Variants in MPDZ observed in about 807,000 individuals in gnomAD.
The protein encoded by MPDZ is multiple PDZ domain crumbs cell polarity complex component.
MPDZ carries 234 observed loss-of-function variants against 239.1 expected under a neutral mutation model. The observed-to-expected ratio is 0.98, with a 90% CI of 0.88 to 1.09. The LOEUF (loss-of-function observed/expected upper bound fraction) is 1.09. MPDZ is among the 50% of genes least tolerant of loss of function. The pLI is 0.00. For synonymous variants in MPDZ, 1,048 were observed against 881.3 expected (o/e 1.19, Z -3.35); for missense variants, 3,175 against 2,510.0 (o/e 1.26, Z -5.66).
rs371166354 is a variant in MPDZ at position 13,150,517 on chromosome 9, G to A, written c.3624C>T (p.Ile1208=). The change falls in exon 25 of 47, where the codon ATC becomes ATT. Residue 1208 remains isoleucine (I), a synonymous_variant. Coordinates refer to ENST00000319217, the MANE Select transcript of MPDZ (RefSeq NM_001378778.1). ...KNGTLKPGDR[I]VEVDGMDLRD... ...AAAGCTCACTAGAGGGTACCTCTACGATTCTATCTCCAGGTTTCAAGGTTC... is the reference window on the plus strand; with the variant it reads ...AAAGCTCACTAGAGGGTACCTCTACAATTCTATCTCCAGGTTTCAAGGTTC... 8.3e-6 allele frequency: 13 copies of A among 1,557,196 alleles called. No homozygotes were observed. The highest frequency in any genetic ancestry group is 1.8e-5 in the Admixed American group (1 of 56,556).
At chr9:13,210,091 A>G (rs532013209) in intron 10 of MPDZ, among the ~76,000 whole-genome samples, 2 of 151,468 alleles carry the variant, frequency 1.3e-5, no homozygotes, top group Non-Finnish European at 2.9e-5. Flanking sequence ...AAAAAACCTC[A>G]CACCTGAATG....
intron 27 of MPDZ, among the ~76,000 whole-genome samples, chr9:13,142,500 A>T (rs965900043): frequency 6.6e-6 from 1 of 152,130 alleles, no homozygotes; most frequent in African/African-American, 2.4e-5. Flanking sequence ...AAGATTGTTT[A>T]GCCTTCCTTG....
intron 45 of MPDZ, 76 bp downstream of exon 45, chr9:13,109,876 G>A (rs1586848640): frequency 1.8e-6 from 2 of 1,131,890 alleles, no homozygotes; most frequent in East Asian, 2.5e-5. Context: ...AGAAACATGG[G>A]ACAGAGAACG....
chr9:13,201,655 G>C (rs1362368400), intron 12 of MPDZ, among the ~76,000 whole-genome samples: 1 of 151,674 alleles, frequency 6.6e-6, no homozygotes, highest in African/African-American at 2.4e-5. Flanking sequence ...TATTTCATAT[G>C]GTCTATCTCC....
At chr9:13,207,239 G>A (rs1012379509) in intron 10 of MPDZ, among the ~76,000 whole-genome samples, 2 of 151,938 alleles carry the variant, frequency 1.3e-5, no homozygotes, top group Admixed American at 6.6e-5. Flanking sequence ...AAAATGTCCC[G>A]GTGATCTTTC....
intron 23 of MPDZ, among the ~76,000 whole-genome samples, chr9:13,159,491 G>C (rs1267050113): frequency 6.6e-6 from 1 of 152,124 alleles, no homozygotes; most frequent in Non-Finnish European, 1.5e-5. Context: ...TTGTCCAGAG[G>C]ATGCAAGGCA....
rs754568949 is a variant in MPDZ, at chr9:13,147,549, C to T, written c.3740G>A (p.Arg1247Lys). 3 of 1,610,530 alleles carry T rather than the reference C, an allele frequency of 1.9e-6. No individual in the cohort carries two copies. The African/African-American group carries it at 4.0e-5, about 22-fold the overall frequency. Residue 1247 changes from arginine (R) to lysine (K), a missense_variant and splice_region_variant, in exon 26 of 47, where the codon AGG becomes AAG. Transcript: ENST00000319217. Reference sequence around the variant, plus strand: ...ACCTTGCCCTTTGTGTTCGCTTACCCTTGGTCTGTTTATAATGCTCTGTAC... The same window carrying T: ...ACCTTGCCCTTTGTGTTCGCTTACCTTTGGTCTGTTTATAATGCTCTGTAC... ...FMVQSIINRP[R>K]KSPLPSLLHN...
Position 13,133,807 on chromosome 9 carries a change from A to G in MPDZ, c.4464+17T>C, listed in dbSNP as rs746094934. 5.1e-6 allele frequency: 8 copies of G among 1,555,352 alleles called. No individual in the cohort carries two copies. The East Asian group carries it at 1.8e-4, about 35-fold the overall frequency. ...AAGGAACTCACATCATTTCATTCCA[A>G]TTCAAAGCAGATTTACCTTGGGAAG... On this transcript the variant is annotated intron_variant, in intron 32 of 46. Transcript: ENST00000319217.
At chr9:13,184,004 A>G (rs751098085) in intron 18 of MPDZ, among the ~76,000 whole-genome samples, 1 of 152,076 alleles carries the variant, frequency 6.6e-6, no homozygotes, top group African/African-American at 2.4e-5. Context: ...AGGCAATTAT[A>G]TATTTGTAAG....
At chr9:13,235,484 T>A (rs894924009) in intron 3 of MPDZ, among the ~76,000 whole-genome samples, 2 of 152,152 alleles carry the variant, frequency 1.3e-5, no homozygotes, top group Non-Finnish European at 2.9e-5. Context: ...GTGTTAAATA[T>A]CCTATAAAAT....
chr9:13,123,432 A>C (rs1447910369), intron 35 of MPDZ, 134 bp from the exon 36 acceptor site: 3 of 609,874 alleles, frequency 4.9e-6, no homozygotes, highest in Non-Finnish European at 8.4e-6. Flanking sequence ...GAGACTTTGT[A>C]TTTACCTCAA....
Position 13,154,671 on chromosome 9 carries a change from T to G in MPDZ, c.3452+3347A>C, listed in dbSNP as rs894253363. Among the ~76,000 whole-genome samples, 10 of 152,236 alleles carry G rather than the reference T, an allele frequency of 6.6e-5. No individual in the cohort carries two copies. The South Asian group carries it at 1.5e-3, about 22-fold the overall frequency. On this transcript the variant is annotated intron_variant, in intron 24 of 46. Coordinates refer to ENST00000319217, the MANE Select transcript of MPDZ (RefSeq NM_001378778.1). The stretch of plus-strand genomic sequence containing the variant: ...TTACTAGTTATGATGGTGGTGGTTG[T>G]GGTGGTGATGAAGGTGATGATTACT...
intron 22 of MPDZ, among the ~76,000 whole-genome samples, chr9:13,165,069 C>A (rs192599154): frequency 1.3e-3 from 205 of 152,212 alleles, no homozygotes; most frequent in Admixed American, 4.3e-3. Context: ...AATGCAGAGA[C>A]TATTCCTGCA....
chr9:13,119,847 A>T, intron 38 of MPDZ, 198 bp from the exon 39 acceptor site: 1 of 599,764 alleles, frequency 1.7e-6, no homozygotes, highest in East Asian at 2.9e-5. Flanking sequence ...AGTGCTTCAT[A>T]GATTAAAATG....
At chr9:13,120,898 G>A (rs147533323) in intron 38 of MPDZ, among the ~76,000 whole-genome samples, 1 of 152,234 alleles carries the variant, frequency 6.6e-6, no homozygotes. Flanking sequence ...CAGACTGCAG[G>A]GGCACTTTTT....
At chr9:13,217,036 C>T (rs1958437211) in intron 9 of MPDZ, 144 bp downstream of exon 9, 2 of 771,392 alleles carry the variant, frequency 2.6e-6, no homozygotes, top group Non-Finnish European at 4.1e-6. Context: ...ATATAAGAGT[C>T]ACCTACACTA....
chr9:13,195,591 A>G (rs560294638), intron 13 of MPDZ, among the ~76,000 whole-genome samples: 1 of 152,278 alleles, frequency 6.6e-6, no homozygotes, highest in African/African-American at 2.4e-5. Context: ...GTAGATCACA[A>G]TGGCTATGCT....
intron 1 of MPDZ, among the ~76,000 whole-genome samples, chr9:13,270,757 G>C (rs748231763): frequency 6.6e-6 from 1 of 152,070 alleles, no homozygotes; most frequent in Admixed American, 6.6e-5. Flanking sequence ...GGCCAGAGCT[G>C]ATCTAGAATG....
chr9:13,138,566 T>C (rs930204122), intron 28 of MPDZ, among the ~76,000 whole-genome samples: 1 of 152,206 alleles, frequency 6.6e-6, no homozygotes, highest in African/African-American at 2.4e-5. Context: ...TTCAACATTG[T>C]GTATCACATC....
Sources: gnomAD v4.1 joint callset for allele counts (sites outside exome capture counted in the v4.1 genomes callset) on GRCh38, gnomAD v4.1.1 for gene constraint, MANE v1.5 for transcripts, NCBI Gene and HGNC (gene_info 2026-07-23, HGNC 2026-07-21) for gene names.